PTPRG: variants seen among roughly 807,000 people sequenced by gnomAD.
PTPRG encodes the protein protein tyrosine phosphatase receptor type G, also known as receptor-type tyrosine-protein phosphatase gamma.
Under a neutral mutation model 165.3 loss-of-function variants are expected in PTPRG, and 102 were observed. That is an observed-to-expected ratio of 0.62 (90% CI 0.53 to 0.73). The LOEUF (loss-of-function observed/expected upper bound fraction) is 0.73. Among genes scored for constraint, PTPRG ranks in the 30% least tolerant of loss-of-function variants. PTPRG has a pLI of 0.00. For synonymous variants in PTPRG, 675 were observed against 669.5 expected (o/e 1.01, Z -0.13); for missense variants, 1,866 against 1,861.4 (o/e 1.00, Z -0.05).
chr3:62,296,122 G>A lies in PTPRG; in HGVS notation c.*2815G>A, dbSNP rs1186156177. 6.6e-6 allele frequency: 1 copy of A among 152,030 alleles called. No individual in the cohort carries two copies. The highest frequency in any genetic ancestry group is 1.5e-5 in the Non-Finnish European group (1 of 67,946). 9.4% of individuals were successfully genotyped at this position (152,030 alleles called of 1,614,324 possible). ...CTGGACATCAAAGAAAAGACATGCT[G>A]TTGCCATCAGGAGAACTCTTTCTTA... On this transcript the variant is annotated 3_prime_UTR_variant, in exon 30 of 30. Transcript: ENST00000474889.
chr3:62,175,337 C>T (rs888822934), intron 8 of PTPRG, among the ~76,000 whole-genome samples: 3 of 152,168 alleles, frequency 2.0e-5, no homozygotes, highest in South Asian at 2.1e-4. Flanking sequence ...GCAAGAGAGC[C>T]GAGTGCCGTG....
rs901848954 is a variant in PTPRG, at chr3:62,237,998, T to C, written c.2376-5809T>C. 2.6e-5 allele frequency among the ~76,000 whole-genome samples: 4 copies of C among 152,246 alleles called. No individual in the cohort carries two copies. The highest frequency in any genetic ancestry group is 7.2e-5 in the African/African-American group (3 of 41,474). On this transcript the variant is annotated intron_variant, in intron 14 of 29. Coordinates refer to ENST00000474889, the MANE Select transcript of PTPRG (RefSeq NM_002841.4). This position sits in a 1 kb window ranked among gnomAD's most constrained non-coding sequence, Gnocchi z 4.5. The stretch of plus-strand genomic sequence containing the variant: ...TTGCTTCCACTCTGCTACTTGGAAC[T>C]TTCTATAGAAATGTGCATATATCTA...
chr3:61,965,349 G>C lies in PTPRG; in HGVS notation c.191-24276G>C, dbSNP rs374479716. Among the ~76,000 whole-genome samples, 3 of 151,832 alleles carry C rather than the reference G, an allele frequency of 2.0e-5. No homozygotes were observed. The East Asian group carries it at 5.8e-4, about 29-fold the overall frequency. ...CTAAAAATACAAAAATTAGCTGGAC[G>C]TGCTAGTGCACGCCTGTAATCCCAG... On this transcript the variant is annotated intron_variant, in intron 2 of 29. Transcript: ENST00000474889.
rs182211504 is a variant in PTPRG, at chr3:62,013,700, A to T, written c.519+10203A>T. Among the ~76,000 whole-genome samples the T allele has an allele frequency of 9.8e-5, 15 of 152,340 alleles. 1 individual carries two copies. The highest frequency in any genetic ancestry group is 2.6e-4 in the Admixed American group (4 of 15,302). The stretch of plus-strand genomic sequence containing the variant: ...TATACCTTAAAATAAAATTTGTTTT[A>T]AAAATACACATATAGTAGTTCAGTT... On this transcript the variant is annotated intron_variant, in intron 4 of 29. Transcript: ENST00000474889.
chr3:61,876,675 G>A (rs915861777), intron 2 of PTPRG, among the ~76,000 whole-genome samples: 1 of 152,150 alleles, frequency 6.6e-6, no homozygotes, highest in Non-Finnish European at 1.5e-5. Flanking sequence ...TTGGGAGGCC[G>A]AGGCGGGCGG....
At chr3:62,167,849 A>G in intron 7 of PTPRG, 122 bp from the exon 8 acceptor site, 1 of 968,814 alleles carries the variant, frequency 1.0e-6, no homozygotes, top group Non-Finnish European at 1.6e-6. Flanking sequence ...GGCATTGGGC[A>G]CTTCCTACCG....
At chr3:61,753,995 T>C (rs1301786389) in intron 2 of PTPRG, among the ~76,000 whole-genome samples, 1 of 152,236 alleles carries the variant, frequency 6.6e-6, no homozygotes, top group African/African-American at 2.4e-5. Flanking sequence ...TTTTTTGTTT[T>C]AACTTAATTC....
At chr3:62,098,265 A>T (rs1186301058) in intron 5 of PTPRG, among the ~76,000 whole-genome samples, 2 of 152,192 alleles carry the variant, frequency 1.3e-5, no homozygotes, top group Non-Finnish European at 2.9e-5. Context: ...ATAAAAAAAA[A>T]TACAACAATA....
At chr3:61,936,393 A>T (rs535209240) in intron 2 of PTPRG, among the ~76,000 whole-genome samples, 1 of 152,204 alleles carries the variant, frequency 6.6e-6, no homozygotes, top group Admixed American at 6.5e-5. Context: ...CATGCTCTTG[A>T]GTAATCATTA....
At chr3:61,840,282 A>T (rs1356725814) in intron 2 of PTPRG, among the ~76,000 whole-genome samples, 1 of 151,268 alleles carries the variant, frequency 6.6e-6, no homozygotes, top group Non-Finnish European at 1.5e-5. Context: ...ATTTTTTGCT[A>T]GTTTTCTGTC....
At chr3:62,064,241 A>G (rs1037721495) in intron 4 of PTPRG, among the ~76,000 whole-genome samples, 89 of 152,282 alleles carry the variant, frequency 5.8e-4, no homozygotes, top group African/African-American at 2.1e-3. Flanking sequence ...AGAGAAAACT[A>G]CTGTTAGTTT....
intron 2 of PTPRG, among the ~76,000 whole-genome samples, chr3:61,967,785 A>G (rs2040303175): frequency 6.6e-6 from 1 of 152,230 alleles, no homozygotes; most frequent in Non-Finnish European, 1.5e-5. Flanking sequence ...AAACATTTTA[A>G]GTGGAATTTC....
intron 2 of PTPRG, among the ~76,000 whole-genome samples, chr3:61,959,007 G>A (rs556119004): frequency 1.5e-4 from 23 of 152,170 alleles, no homozygotes; most frequent in Non-Finnish European, 2.6e-4. Flanking sequence ...CTCCTGTGCC[G>A]CACTCACTAT....
chr3:61,697,076 T>G (rs1327832590), intron 1 of PTPRG, among the ~76,000 whole-genome samples: 1 of 152,194 alleles, frequency 6.6e-6, no homozygotes, highest in Non-Finnish European at 1.5e-5. Flanking sequence ...AGGTCACTTT[T>G]ACCTTCCCTG....
chr3:61,999,695 C>G (rs557572350), intron 3 of PTPRG, among the ~76,000 whole-genome samples: 1 of 152,164 alleles, frequency 6.6e-6, no homozygotes, highest in East Asian at 1.9e-4. Flanking sequence ...TAAAAGAAAA[C>G]TCTTTATCAA....
chr3:62,282,591 CAG>C (rs1702494890), intron 27 of PTPRG, 134 bp from the exon 28 acceptor site: 2 of 798,262 alleles, frequency 2.5e-6, no homozygotes, highest in South Asian at 6.9e-5. Flanking sequence ...TTCTTCTTTC[CAG>C]CTGTGGTTTG....
intron 2 of PTPRG, among the ~76,000 whole-genome samples, chr3:61,781,356 C>A (rs912069543): frequency 6.6e-6 from 1 of 152,100 alleles, no homozygotes; most frequent in East Asian, 1.9e-4. Flanking sequence ...GTCTGTTTTT[C>A]TAGATATAAA....
intron 13 of PTPRG, among the ~76,000 whole-genome samples, chr3:62,223,066 G>A (rs908139838): frequency 6.6e-6 from 1 of 152,054 alleles, no homozygotes; most frequent in Non-Finnish European, 1.5e-5. Context: ...ATGAGGCTGG[G>A]GAGAAAAAGC....
rs1393376601 is a variant in PTPRG at position 62,195,319 on chromosome 3, C to G, written c.1327+149C>G. The G allele has an allele frequency of 1.5e-6, 1 of 687,822 alleles. No homozygotes were observed. The highest frequency in any genetic ancestry group is 2.4e-6 in the Non-Finnish European group (1 of 412,956). 42.6% of individuals were successfully genotyped at this position (687,822 alleles called of 1,614,324 possible). A position where few individuals can be genotyped will look rare whatever the true frequency, so the allele number is the denominator to read the frequency against. Reference sequence around the variant, plus strand: ...GGTTTTAAAGCCTATGCGGGAAGCCCTAGTAATTTAGGTCTTTTAGGTTGG... The same window carrying G: ...GGTTTTAAAGCCTATGCGGGAAGCCGTAGTAATTTAGGTCTTTTAGGTTGG... On this transcript the variant is annotated intron_variant, in intron 10 of 29. Transcript: ENST00000474889. The surrounding 1 kb of genome is among the most constrained non-coding windows in gnomAD (Gnocchi z 4.4).
Sources: allele counts gnomAD v4.1 joint callset (sites outside exome capture counted in the v4.1 genomes callset), GRCh38; gene constraint gnomAD v4.1.1; non-coding constraint Gnocchi (gnomAD v3.1); transcripts MANE v1.5; gene names NCBI Gene and HGNC (gene_info 2026-07-23, HGNC 2026-07-21).